The following CAMKMT variants were observed in gnomAD, a reference collection of about 807,000 sequenced individuals.
CAMKMT encodes CaM KMT.
Under a neutral mutation model 48.0 loss-of-function variants are expected in CAMKMT, and 53 were observed. The observed-to-expected ratio is 1.10, with a 90% confidence interval of 0.89 to 1.39. The LOEUF is 1.39. Ranked by LOEUF, CAMKMT falls within the 40% of genes most tolerant of loss-of-function variation. The probability of loss-of-function intolerance (pLI) is 0.00; values close to 1 mark genes in which losing one functional copy is unlikely to be tolerated. For synonymous variants in CAMKMT, 165 were observed against 152.3 expected, an observed-to-expected ratio of 1.08 and a Z score of -0.61; for missense variants, 428 against 402.7, an observed-to-expected ratio of 1.06 and a Z score of -0.54.
chr2:44,389,443 AG>A (rs1355109157), intron 2 of CAMKMT, among the ~76,000 whole-genome samples: 18 of 152,200 alleles, frequency 1.2e-4, no homozygotes, highest in Non-Finnish European at 2.5e-4. Flanking sequence ...TGAATGTTGA[AG>A]TAAATTTTTA....
chr2:44,495,383 A>G (rs1268683230), intron 3 of CAMKMT, among the ~76,000 whole-genome samples: 2 of 152,100 alleles, frequency 1.3e-5, no homozygotes, highest in South Asian at 2.1e-4. Context: ...GCCTCAAGCA[A>G]TCCTCCTGCC....
intron 3 of CAMKMT, among the ~76,000 whole-genome samples, chr2:44,634,253 C>T (rs1045138379): frequency 2.6e-5 from 4 of 151,820 alleles, no homozygotes; most frequent in African/African-American, 9.7e-5. Flanking sequence ...AAATTCCAGC[C>T]ACCTCAGCCT....
At chr2:44,639,275 A>C (rs1477420823) in intron 3 of CAMKMT, among the ~76,000 whole-genome samples, 1 of 152,228 alleles carries the variant, frequency 6.6e-6, no homozygotes, top group Non-Finnish European at 1.5e-5. Context: ...GCTTATATCA[A>C]GGTAATGAAT....
intron 3 of CAMKMT, among the ~76,000 whole-genome samples, chr2:44,640,019 T>C (rs529757478): frequency 1.3e-5 from 2 of 152,186 alleles, no homozygotes; most frequent in Admixed American, 1.3e-4. Flanking sequence ...ACCCAGCAAA[T>C]ACCCATTTCC....
chr2:44,366,737 T>TTATTATTAC (rs1678633536), intron 1 of CAMKMT, among the ~76,000 whole-genome samples: 1 of 151,992 alleles, frequency 6.6e-6, no homozygotes, highest in Non-Finnish European at 1.5e-5. Context: ...ATTATTATTA[T>TTATTATTAC]TTGAGACAAA....
intron 2 of CAMKMT, among the ~76,000 whole-genome samples, chr2:44,379,048 T>G (rs1679980001): frequency 6.6e-6 from 1 of 152,224 alleles, no homozygotes. Flanking sequence ...AGAAACCCCA[T>G]ATACATTGGC....
At chr2:44,620,578 A>G (rs1313109196) in intron 3 of CAMKMT, among the ~76,000 whole-genome samples, 1 of 152,234 alleles carries the variant, frequency 6.6e-6, no homozygotes, top group African/African-American at 2.4e-5. Flanking sequence ...AACTATTTCA[A>G]ATCCATACCT....
chr2:44,574,378 A>C (rs1430904543), intron 3 of CAMKMT, among the ~76,000 whole-genome samples: 3 of 152,102 alleles, frequency 2.0e-5, no homozygotes, highest in African/African-American at 7.2e-5. Flanking sequence ...TGCGGCCCCT[A>C]ATTATCTGAT....
chr2:44,613,403 T>C (rs952994131), intron 3 of CAMKMT, among the ~76,000 whole-genome samples: 13 of 152,134 alleles, frequency 8.5e-5, no homozygotes, highest in African/African-American at 2.9e-4. Flanking sequence ...AAAAGGAAAA[T>C]GAATAGCACA....
chr2:44,753,561 C>T lies in CAMKMT; in HGVS notation c.699-494C>T, dbSNP rs780487610. The stretch of plus-strand genomic sequence containing the variant: ...TGTAGCTGTTCACTCCTAAGTCAGA[C>T]GTTGAATCTAACCTCAGTGCTGTTT... On this transcript the variant is annotated intron_variant, in intron 8 of 10. Transcript: ENST00000378494. Among the ~76,000 whole-genome samples, 23 of 152,274 alleles carry T rather than the reference C, an allele frequency of 1.5e-4. 1 individual carries two copies. Among genetic ancestry groups the T allele is most frequent in the Non-Finnish European group, 2.4e-4 (16 of 68,016 alleles).
chr2:44,505,349 T>C (rs1670206584), intron 3 of CAMKMT, among the ~76,000 whole-genome samples: 1 of 152,250 alleles, frequency 6.6e-6, no homozygotes, highest in Admixed American at 6.5e-5. Context: ...GCTACTCTTT[T>C]CATCTGCTTA....
chr2:44,561,349 A>G (rs535240819), intron 3 of CAMKMT, among the ~76,000 whole-genome samples: 1 of 152,312 alleles, frequency 6.6e-6, no homozygotes, highest in Non-Finnish European at 1.5e-5. Context: ...CCACAAGACT[A>G]CCATTACTGT....
chr2:44,370,885 A>G (rs1021182953), intron 1 of CAMKMT, among the ~76,000 whole-genome samples: 17 of 152,326 alleles, frequency 1.1e-4, no homozygotes, highest in Middle Eastern at 3.4e-3. Context: ...ATCATTGCTC[A>G]CTACAACCTC....
chr2:44,451,463 T>A (rs1667283408), intron 3 of CAMKMT, among the ~76,000 whole-genome samples: 1 of 151,930 alleles, frequency 6.6e-6, no homozygotes, highest in South Asian at 2.1e-4. Context: ...GTCCTAACCT[T>A]GCCTTTCAAA....
rs200227404 is a variant in CAMKMT at position 44,390,243 on chromosome 2, A to G, written c.314A>G (p.His105Arg). ...GCAAACGCTTTACTCCTTTCTAGGC[A>G]TAATAGTGGATCCTTGAATGTTGAA... Reference protein sequence around the residue: ...FCPEYSISLRHNSGSLNVEDV... With the variant: ...FCPEYSISLRRNSGSLNVEDV... The change falls in exon 3 of 11, where the codon CAT becomes CGT. Residue 105 changes from histidine (H) to arginine (R), a missense_variant and splice_region_variant. His to Arg is a conservative substitution (Grantham distance 29). Coordinates refer to ENST00000378494, the MANE Select transcript of CAMKMT (RefSeq NM_024766.5). The G allele has an allele frequency of 2.4e-4, 391 of 1,606,472 alleles. No individual in the cohort carries two copies. The highest frequency in any genetic ancestry group is 3.1e-4 in the Non-Finnish European group (369 of 1,177,104).
chr2:44,500,705 G>A (rs1162193491), intron 3 of CAMKMT, among the ~76,000 whole-genome samples: 1 of 132,510 alleles, frequency 7.5e-6, no homozygotes, highest in Non-Finnish European at 1.6e-5. Flanking sequence ...TTTTTTTTCT[G>A]GAGTCTTGCT....
chr2:44,573,272 C>T (rs1332929367), intron 3 of CAMKMT, among the ~76,000 whole-genome samples: 2 of 152,010 alleles, frequency 1.3e-5, no homozygotes, highest in African/African-American at 4.8e-5. Flanking sequence ...GTCCAGTTTT[C>T]AATCAGGTTT....
At chr2:44,649,782 G>T (rs1572994368) in intron 3 of CAMKMT, among the ~76,000 whole-genome samples, 2 of 152,178 alleles carry the variant, frequency 1.3e-5, no homozygotes, top group East Asian at 3.8e-4. Flanking sequence ...TTACCCTGTG[G>T]CTTTCATTCT....
intron 3 of CAMKMT, among the ~76,000 whole-genome samples, chr2:44,425,021 A>G (rs2104520180): frequency 6.6e-6 from 1 of 152,364 alleles, no homozygotes; most frequent in East Asian, 1.9e-4. Context: ...GTTTTGATAA[A>G]TAGATTTCAT....
Sources: gnomAD v4.1 joint callset for allele counts (sites outside exome capture counted in the v4.1 genomes callset) on GRCh38, gnomAD v4.1.1 for gene constraint, MANE v1.5 for transcripts, NCBI Gene and HGNC (gene_info 2026-07-23, HGNC 2026-07-21) for gene names.